SYT2: variants seen among roughly 807,000 people sequenced by gnomAD.
The protein encoded by SYT2 is synaptotagmin-2.
Under a neutral mutation model 39.9 loss-of-function variants are expected in SYT2, and 15 were observed. That is an observed-to-expected ratio of 0.38 (90% CI 0.25 to 0.58). SYT2 has a LOEUF of 0.58. Ranked by LOEUF, SYT2 falls within the 20% of genes least tolerant of loss-of-function variation. The pLI, the probability that SYT2 is intolerant of heterozygous loss-of-function variation, is 0.70. For synonymous variants in SYT2, 181 were observed against 204.5 expected (o/e 0.89, Z 0.98); for missense variants, 389 against 530.3 (o/e 0.73, Z 2.62).
chr1:202,678,840 G>A (rs1043815791), intron 1 of SYT2, among the ~76,000 whole-genome samples: 4 of 152,002 alleles, frequency 2.6e-5, no homozygotes, highest in Non-Finnish European at 5.9e-5. Flanking sequence ...CAATACAGAC[G>A]TGTGGCTGTT....
chr1:202,607,201 CAG>C (rs1275184868), intron 1 of SYT2, among the ~76,000 whole-genome samples: 1 of 152,160 alleles, frequency 6.6e-6, no homozygotes, highest in Non-Finnish European at 1.5e-5. Flanking sequence ...CCCATGAGGG[CAG>C]ATCCTGTGTT....
Position 202,601,154 on chromosome 1 carries a change from G to C in SYT2, c.802-680C>G, listed in dbSNP as rs1572610077. Among the ~76,000 whole-genome samples, 1 of 152,178 alleles carries C rather than the reference G, an allele frequency of 6.6e-6. No individual in the cohort carries two copies. Among genetic ancestry groups the C allele is most frequent in the African/African-American group, 2.4e-5 (1 of 41,424 alleles). On this transcript the variant is annotated intron_variant, in intron 6 of 8. Coordinates refer to ENST00000367268, the MANE Select transcript of SYT2 (RefSeq NM_177402.5). The surrounding 1 kb of genome is among the most constrained non-coding windows in gnomAD (Gnocchi z 4.0). ...ACTGTAGGCAGGCTGAGGACCCAGG[G>C]CTCCTAATTCCTAAGGCCAACACCA...
chr1:202,596,846 T>A lies in SYT2; in HGVS notation c.1171A>T (p.Met391Leu). 6.2e-7 allele frequency: 1 copy of A among 1,614,224 alleles called. No homozygotes were observed. Among genetic ancestry groups the A allele is most frequent in the Non-Finnish European group, 8.5e-7 (1 of 1,180,036 alleles). ...ATGGGCCTCCGGGGGTTGGCCAGCA[T>A]GTCGGACCAGTGCCGCAGCTCTGTG... ...TGTELRHWSD[M>L]LANPRRPIAQ... The change falls in exon 9 of 9, where the codon ATG becomes TTG. Residue 391 changes from methionine to leucine, a missense_variant. Met to Leu is a conservative substitution (Grantham distance 15, BLOSUM62 2). This residue lies in a region of SYT2 where 84 missense variants were observed against 123.1 expected (regional missense o/e 0.68). Transcript: ENST00000367268.
intron 1 of SYT2, among the ~76,000 whole-genome samples, chr1:202,675,647 C>T (rs1653346736): frequency 6.6e-6 from 1 of 152,126 alleles, no homozygotes; most frequent in Admixed American, 6.5e-5. Flanking sequence ...AATCCCAGTC[C>T]TCAAGAATGG....
intron 1 of SYT2, among the ~76,000 whole-genome samples, chr1:202,677,017 T>C (rs1253996308): frequency 6.6e-6 from 1 of 151,896 alleles, no homozygotes; most frequent in African/African-American, 2.4e-5. Context: ...TCTCTCTCTC[T>C]CCTGCTCTGG....
intron 1 of SYT2, among the ~76,000 whole-genome samples, chr1:202,617,168 G>A (rs1180960048): frequency 9.2e-5 from 14 of 152,198 alleles, no homozygotes; most frequent in Middle Eastern, 3.4e-3. Flanking sequence ...TACCCTCTTC[G>A]GGGCCTTTGT....
intron 1 of SYT2, among the ~76,000 whole-genome samples, chr1:202,644,003 T>A (rs1337090371): frequency 1.3e-5 from 2 of 152,018 alleles, no homozygotes; most frequent in Non-Finnish European, 2.9e-5. Context: ...GAGATAAGGA[T>A]GAAGGTTTTC....
intron 1 of SYT2, among the ~76,000 whole-genome samples, chr1:202,672,034 A>T (rs937509035): frequency 1.2e-4 from 19 of 152,218 alleles, no homozygotes; most frequent in African/African-American, 4.1e-4. Context: ...ACAGAAAGAG[A>T]TCCACAGGGA....
chr1:202,700,801 C>G (rs1654103559), intron 1 of SYT2, among the ~76,000 whole-genome samples: 1 of 152,122 alleles, frequency 6.6e-6, no homozygotes, highest in South Asian at 2.1e-4. Context: ...CAACCTCACT[C>G]AGATATGTAA....
In SYT2 at chr1:202,596,763, G is replaced by C. The variant is rs200149183; in HGVS notation, c.1254C>G (p.Asn418Lys). ...GGGTCCCAGCCGCTGCTGTCTACTT[G>C]TTCTTGCCCAGGAGTGCATCCACCT... Reference protein sequence around the residue: ...EEEVDALLGKNK With the variant: ...EEEVDALLGKKK Residue 418 changes from asparagine (N) to lysine (K), a missense_variant, in exon 9 of 9, where the codon AAC (asparagine) becomes AAG (lysine). Around this residue, in one of 4 missense-constraint regions of SYT2, gnomAD observed 84 missense variants for 123.1 expected, o/e 0.68. Coordinates refer to ENST00000367268, the MANE Select transcript of SYT2 (RefSeq NM_177402.5). 2 of 1,613,562 alleles carry C rather than the reference G, an allele frequency of 1.2e-6. No homozygotes were observed. The highest frequency in any genetic ancestry group is 1.7e-6 in the Non-Finnish European group (2 of 1,179,568).
rs1008376229 is a variant in SYT2 at position 202,674,268 on chromosome 1, A to G, written c.-18+35990T>C. Among the ~76,000 whole-genome samples the G allele has an allele frequency of 2.0e-5, 3 of 151,990 alleles. No homozygotes were observed. The East Asian group carries it at 5.8e-4, about 29-fold the overall frequency. On this transcript the variant is annotated intron_variant, in intron 1 of 8. Coordinates refer to ENST00000367268, the MANE Select transcript of SYT2 (RefSeq NM_177402.5). ...AGGCGTGTACCACCACGTGCAGCTA[A>G]TTTTTGTATTTTTAGCAGAGGCAGG...
At chr1:202,651,377 G>A (rs1037543066) in intron 1 of SYT2, among the ~76,000 whole-genome samples, 1 of 152,086 alleles carries the variant, frequency 6.6e-6, no homozygotes, top group Non-Finnish European at 1.5e-5. Context: ...GGAGTGGGGA[G>A]TTCAGCCTGG....
chr1:202,691,708 A>G (rs1404867986), intron 1 of SYT2, among the ~76,000 whole-genome samples: 1 of 40,744 alleles, frequency 2.5e-5, no homozygotes, highest in African/African-American at 7.2e-5. Flanking sequence ...GGAGAGGGAG[A>G]GGGAGAGGGA....
chr1:202,653,609 T>G (rs530210769), intron 1 of SYT2, among the ~76,000 whole-genome samples: 1 of 152,104 alleles, frequency 6.6e-6, no homozygotes, highest in African/African-American at 2.4e-5. Context: ...GAATAGGGAA[T>G]GGCGGTATCT....
At chr1:202,659,461 C>T (rs1558452086) in intron 1 of SYT2, among the ~76,000 whole-genome samples, 1 of 152,178 alleles carries the variant, frequency 6.6e-6, no homozygotes, top group African/African-American at 2.4e-5. Context: ...GGGCTCTTTG[C>T]TGACAGAAAG....
chr1:202,629,200 C>T (rs1487534059), intron 1 of SYT2, among the ~76,000 whole-genome samples: 1 of 152,124 alleles, frequency 6.6e-6, no homozygotes, highest in East Asian at 1.9e-4. Context: ...AATAAATGGT[C>T]CTCCTTCTAC....
At chr1:202,682,064 A>G (rs1408038637) in intron 1 of SYT2, among the ~76,000 whole-genome samples, 1 of 152,168 alleles carries the variant, frequency 6.6e-6, no homozygotes, top group Non-Finnish European at 1.5e-5. Flanking sequence ...CACTCTGCCC[A>G]GAGCCAGCCC....
At chr1:202,644,952 C>G (rs1400074029) in intron 1 of SYT2, among the ~76,000 whole-genome samples, 3 of 152,158 alleles carry the variant, frequency 2.0e-5, no homozygotes, top group Non-Finnish European at 4.4e-5. Context: ...GGCAGCAGCT[C>G]GCTTGTCACA....
chr1:202,620,129 G>T (rs1691164596), intron 1 of SYT2, among the ~76,000 whole-genome samples: 1 of 152,210 alleles, frequency 6.6e-6, no homozygotes, highest in Non-Finnish European at 1.5e-5. Flanking sequence ...CAGAAACAAG[G>T]TCACTAAACA....
Sources: gnomAD v4.1 joint callset for allele counts (sites outside exome capture counted in the v4.1 genomes callset) on GRCh38, gnomAD v4.1.1 for gene constraint, gnomAD v4.1.1 regional missense constraint, Gnocchi (gnomAD v3.1) non-coding constraint, MANE v1.5 for transcripts, NCBI Gene and HGNC (gene_info 2026-07-23, HGNC 2026-07-21) for gene names.